Variants in SLC16A10 observed in about 807,000 individuals in gnomAD.
The protein encoded by SLC16A10 is solute carrier family 16 member 10.
A neutral mutation model predicts 40.0 loss-of-function variants in SLC16A10; 27 were observed. The observed-to-expected ratio is 0.67, with a 90% CI of 0.50 to 0.93. The LOEUF (loss-of-function observed/expected upper bound fraction) is 0.93, where lower values mean the gene tolerates loss of function less well. Ranked by LOEUF, SLC16A10 falls within the 40% of genes least tolerant of loss-of-function variation. The probability of loss-of-function intolerance (pLI) is 0.00; values close to 1 mark genes in which losing one functional copy is unlikely to be tolerated. For synonymous variants in SLC16A10, 213 were observed against 249.8 expected (o/e 0.85, Z 1.39); for missense variants, 529 against 658.2 (o/e 0.80, Z 2.15).
rs1431266675 is a variant in SLC16A10, at chr6:111,227,157, C to A, written c.*4922C>A. ...GGAAAAAAAAATTTGTTCTGCTCTA[C>A]TATACATGCTGACTTTTGTTGATAG... On this transcript the variant is annotated 3_prime_UTR_variant, in exon 6 of 6. Coordinates refer to ENST00000368851, the MANE Select transcript of SLC16A10 (RefSeq NM_018593.5). 1 of 152,200 alleles carries A rather than the reference C, an allele frequency of 6.6e-6. No individual in the cohort carries two copies. The highest frequency in any genetic ancestry group is 1.5e-5 in the Non-Finnish European group (1 of 68,044). The allele number at this position is 152,200 out of a possible 1,614,324, so 9.4% of individuals were successfully genotyped here. A position where few individuals can be genotyped will look rare whatever the true frequency, so the allele number is the denominator to read the frequency against.
At chr6:111,153,364 G>C (rs1247275112) in intron 1 of SLC16A10, among the ~76,000 whole-genome samples, 2 of 151,952 alleles carry the variant, frequency 1.3e-5, no homozygotes, top group African/African-American at 2.4e-5. Context: ...GTGAAACCCT[G>C]CCTCTACAAA....
At chr6:111,135,338 A>G (rs1382234335) in intron 1 of SLC16A10, among the ~76,000 whole-genome samples, 1 of 152,214 alleles carries the variant, frequency 6.6e-6, no homozygotes, top group Non-Finnish European at 1.5e-5. Flanking sequence ...CAAGGACTCC[A>G]AAAGATTGTT....
intron 3 of SLC16A10, chr6:111,178,790 G>T (rs1431856265): frequency 4.9e-6 from 1 of 203,576 alleles, no homozygotes; most frequent in Non-Finnish European, 9.8e-6. Context: ...CTTTAGTTAA[G>T]AAATAAGTAT....
In SLC16A10 at chr6:111,087,813, G is replaced by T; in HGVS notation, c.61G>T (p.Gly21Cys). Residue 21 changes from glycine to cysteine, a missense_variant, in exon 1 of 6, where the codon GGC (glycine) becomes TGC (cysteine). Gly to Cys is a radical substitution (Grantham distance 159). Transcript: ENST00000368851. ...GGGCACGAGCGAGGCGCAGCCGCTC[G>T]GCCCCGCGCCCACGGGGGCCGCTCC... ...ARGTSEAQPL[G>C]PAPTGAAPPP... The T allele has an allele frequency of 1.5e-6, 2 of 1,295,710 alleles. No homozygotes were observed. Among genetic ancestry groups the T allele is most frequent in the Non-Finnish European group, 1.9e-6 (2 of 1,028,150 alleles). 80.3% of individuals were successfully genotyped at this position (1,295,710 alleles called of 1,614,324 possible).
intron 1 of SLC16A10, among the ~76,000 whole-genome samples, chr6:111,118,726 G>A (rs73528994): frequency 0.012 from 1,789 of 151,426 alleles, 24 homozygotes; most frequent in African/African-American, 0.042. Context: ...GTTTTATATG[G>A]CATTGATGGA....
In SLC16A10 at chr6:111,225,891, C is replaced by T. The variant is rs1359323756; in HGVS notation, c.*3656C>T. 4 of 152,046 alleles carry T rather than the reference C, an allele frequency of 2.6e-5. No homozygotes were observed. Among genetic ancestry groups the T allele is most frequent in the African/African-American group, 9.7e-5 (4 of 41,388 alleles). The allele number at this position is 152,046 out of a possible 1,614,324, so 9.4% of individuals were successfully genotyped here. On this transcript the variant is annotated 3_prime_UTR_variant, in exon 6 of 6. Coordinates refer to ENST00000368851, the MANE Select transcript of SLC16A10 (RefSeq NM_018593.5). ...TCATTTCCCTTTACTTCCTCCTATC[C>T]TTCAAAAACCTCCTGAAGAGTCCAT...
chr6:111,127,653 T>A (rs1771700359), intron 1 of SLC16A10, among the ~76,000 whole-genome samples: 1 of 152,200 alleles, frequency 6.6e-6, no homozygotes, highest in South Asian at 2.1e-4. Context: ...GCAGTGTTCT[T>A]GCTGGTGTAC....
chr6:111,116,543 C>A (rs1199019337), intron 1 of SLC16A10, among the ~76,000 whole-genome samples: 2 of 152,152 alleles, frequency 1.3e-5, no homozygotes, highest in Non-Finnish European at 2.9e-5. Context: ...TTGAAGTCAA[C>A]TTAAATGCCC....
chr6:111,148,988 A>G (rs1772126554), intron 1 of SLC16A10, among the ~76,000 whole-genome samples: 1 of 152,152 alleles, frequency 6.6e-6, no homozygotes, highest in Non-Finnish European at 1.5e-5. Context: ...GGTAGAATTG[A>G]TACTGCTTGA....
At chr6:111,103,732 T>C (rs1771231519) in intron 1 of SLC16A10, among the ~76,000 whole-genome samples, 1 of 152,142 alleles carries the variant, frequency 6.6e-6, no homozygotes, top group Non-Finnish European at 1.5e-5. Context: ...TAGAGAAGGC[T>C]TCAGTTTTTG....
intron 3 of SLC16A10, among the ~76,000 whole-genome samples, chr6:111,180,292 T>C (rs1316667035): frequency 6.6e-6 from 1 of 152,162 alleles, no homozygotes; most frequent in Admixed American, 6.5e-5. Context: ...GCCTATAATC[T>C]CACCACTTTG....
At chr6:111,128,570 C>A (rs1270099493) in intron 1 of SLC16A10, among the ~76,000 whole-genome samples, 3 of 152,210 alleles carry the variant, frequency 2.0e-5, no homozygotes, top group African/African-American at 7.2e-5. Context: ...CATAACACCA[C>A]ACTCTAAACA....
intron 1 of SLC16A10, among the ~76,000 whole-genome samples, chr6:111,114,918 A>C (rs560688677): frequency 4.7e-4 from 72 of 152,298 alleles, no homozygotes; most frequent in African/African-American, 1.7e-3. Context: ...TCCATCGCCC[A>C]GGCTGGAGTG....
rs547267206 is a variant in SLC16A10, at chr6:111,136,038, C to T, written c.344-36657C>T. On this transcript the variant is annotated intron_variant, in intron 1 of 5. Coordinates refer to ENST00000368851, the MANE Select transcript of SLC16A10 (RefSeq NM_018593.5). ...AGGTTCCTTGGCATAATAGGCATAA[C>T]AGGCATAACAGGTTTCTGCTGAATA... Among the ~76,000 whole-genome samples the T allele has an allele frequency of 2.6e-5, 4 of 152,068 alleles. No individual in the cohort carries two copies. The South Asian group carries it at 8.3e-4, about 31-fold the overall frequency.
intron 1 of SLC16A10, among the ~76,000 whole-genome samples, chr6:111,162,248 A>G (rs963519603): frequency 6.6e-6 from 1 of 152,228 alleles, no homozygotes; most frequent in African/African-American, 2.4e-5. Flanking sequence ...GGCTTTTAAA[A>G]TTGGCTTTGA....
At chr6:111,098,543 G>A (rs1315222100) in intron 1 of SLC16A10, among the ~76,000 whole-genome samples, 1 of 152,148 alleles carries the variant, frequency 6.6e-6, no homozygotes, top group Non-Finnish European at 1.5e-5. Flanking sequence ...TTTGAGATGT[G>A]TTTTAATATT....
At chr6:111,113,540 G>A (rs1771429414) in intron 1 of SLC16A10, among the ~76,000 whole-genome samples, 1 of 152,200 alleles carries the variant, frequency 6.6e-6, no homozygotes. Flanking sequence ...TGAGGAACCA[G>A]TAATAGAAAA....
At chr6:111,143,166 A>G (rs537454578) in intron 1 of SLC16A10, among the ~76,000 whole-genome samples, 45 of 151,980 alleles carry the variant, frequency 3.0e-4, no homozygotes, top group Middle Eastern at 6.8e-3. Context: ...TGTTGCCTTG[A>G]CCTCCTGGGC....
chr6:111,109,010 A>G (rs1350086709), intron 1 of SLC16A10, among the ~76,000 whole-genome samples: 1 of 152,248 alleles, frequency 6.6e-6, no homozygotes, highest in Non-Finnish European at 1.5e-5. Flanking sequence ...CGTAGATTTA[A>G]AAATCTTATG....
Sources: gnomAD v4.1 joint callset for allele counts (sites outside exome capture counted in the v4.1 genomes callset) on GRCh38, gnomAD v4.1.1 for gene constraint, MANE v1.5 for transcripts, NCBI Gene and HGNC (gene_info 2026-07-23, HGNC 2026-07-21) for gene names.